The following MTCL1 variants were observed in gnomAD, a reference collection of about 807,000 sequenced individuals.
MTCL1 encodes the protein microtubule crosslinking factor 1.
MTCL1 carries 79 observed loss-of-function variants against 141.4 expected under a neutral mutation model. The observed-to-expected ratio is 0.56, with a 90% CI of 0.47 to 0.67. The LOEUF is 0.67. Ranked by LOEUF, MTCL1 falls within the 30% of genes least tolerant of loss-of-function variation. The pLI, the probability that MTCL1 is intolerant of heterozygous loss-of-function variation, is 0.00. For missense variants in MTCL1, 2,177 were observed against 2,113.9 expected, an observed-to-expected ratio of 1.03 and a Z score of -0.59; for synonymous variants, 914 against 875.8, an observed-to-expected ratio of 1.04 and a Z score of -0.77.
At chr18:8,796,830 G>A (rs1403075180) in intron 9 of MTCL1, among the ~76,000 whole-genome samples, 2 of 152,214 alleles carry the variant, frequency 1.3e-5, no homozygotes, top group African/African-American at 4.8e-5. Context: ...ATGAGTGAGG[G>A]ACTGGCAGAG....
At chr18:8,765,762 TC>T in intron 4 of MTCL1, among the ~76,000 whole-genome samples, 1 of 152,326 alleles carries the variant, frequency 6.6e-6, no homozygotes, top group Admixed American at 6.5e-5. Context: ...TGTACTTTCA[TC>T]CTTGGAACAG....
At chr18:8,746,671 G>A (rs1307159450) in intron 4 of MTCL1, among the ~76,000 whole-genome samples, 1 of 152,172 alleles carries the variant, frequency 6.6e-6, no homozygotes, top group African/African-American at 2.4e-5. Flanking sequence ...CCTGCTGACA[G>A]GGGCCCCTGC....
At chr18:8,744,312 A>G (rs2096323111) in intron 4 of MTCL1, among the ~76,000 whole-genome samples, 1 of 152,260 alleles carries the variant, frequency 6.6e-6, no homozygotes. Context: ...CTCCAGTGAC[A>G]TGAGTAATAA....
At chr18:8,762,041 A>G (rs540432671) in intron 4 of MTCL1, among the ~76,000 whole-genome samples, 26 of 152,346 alleles carry the variant, frequency 1.7e-4, no homozygotes, top group African/African-American at 5.3e-4. Context: ...ATAGAATTCC[A>G]TGGTACATAC....
At chr18:8,825,809 C>T in exon 15 of MTCL1, 2 of 1,614,186 alleles carry the variant, frequency 1.2e-6, no homozygotes, top group Non-Finnish European at 1.7e-6. Context: ...CAAGGGAGAG[C>T]CCCGTGCACA....
chr18:8,824,563 A>G (rs1210180505), intron 14 of MTCL1, 136 bp from the exon 14 acceptor site: 24 of 680,278 alleles, frequency 3.5e-5, no homozygotes, highest in Non-Finnish European at 4.7e-5. Context: ...GCACATGAGC[A>G]GCTGACAGTG....
chr18:8,784,546 C>G, exon 6 of MTCL1: 1 of 1,606,958 alleles, frequency 6.2e-7, no homozygotes, highest in Non-Finnish European at 8.5e-7. Flanking sequence ...CCGACAGCTT[C>G]CTCCATGATG....
At chr18:8,746,828 T>C (rs1011197096) in intron 4 of MTCL1, among the ~76,000 whole-genome samples, 2 of 152,140 alleles carry the variant, frequency 1.3e-5, no homozygotes, top group Non-Finnish European at 2.9e-5. Flanking sequence ...ACAACAGTCA[T>C]GAATATATAC....
chr18:8,724,742 A>G (rs117416850), intron 4 of MTCL1, among the ~76,000 whole-genome samples: 415 of 152,334 alleles, frequency 2.7e-3, no homozygotes, highest in Non-Finnish European at 4.6e-3. Flanking sequence ...AGAGCAGTTT[A>G]GAATGATGAC....
chr18:8,785,481 C>T (rs974199076), intron 6 of MTCL1, among the ~76,000 whole-genome samples: 1 of 152,134 alleles, frequency 6.6e-6, no homozygotes, highest in Non-Finnish European at 1.5e-5. Flanking sequence ...CCGAGGACTG[C>T]TGTCCTAGCC....
At chr18:8,714,849 T>C (rs1184902074), upstream of MTCL1, among the ~76,000 whole-genome samples, 1 of 151,936 alleles carries the variant, frequency 6.6e-6, no homozygotes, top group Non-Finnish European at 1.5e-5. Flanking sequence ...CAGGCTGGAG[T>C]GCAGTGGCGC....
chr18:8,825,939 C>A lies in MTCL1; in HGVS notation c.4429C>A (p.Pro1477Thr), dbSNP rs377363502. Residue 1477 changes from proline (P) to threonine (T), a missense_variant, in exon 15 of 17, where the codon CCA becomes ACA. Physicochemically the swap from Pro to Thr is conservative, Grantham distance 38. Transcript: ENST00000359865. Reference sequence around the variant, plus strand: ...TCGGTCTCGCTCAGCAGAGCCCCGACCAGAGCTGGGCCCAGGCCAGGAAAC... The same window carrying A: ...TCGGTCTCGCTCAGCAGAGCCCCGAACAGAGCTGGGCCCAGGCCAGGAAAC... The A allele has an allele frequency of 2.2e-5, 35 of 1,604,390 alleles. No homozygotes were observed. The Admixed American group carries it at 4.6e-4, about 21-fold the overall frequency.
exon 7 of MTCL1, chr18:8,785,989 G>A (rs765341139): frequency 1.2e-6 from 2 of 1,607,084 alleles, no homozygotes; most frequent in Admixed American, 3.3e-5. Flanking sequence ...GAGGGGACGA[G>A]CGGGAGAGCC....
In MTCL1 at chr18:8,830,361, C is replaced by T; in HGVS notation, c.*19-1246C>T. On this transcript the variant is annotated intron_variant, in intron 16 of 16. Coordinates refer to ENST00000359865, the Ensembl canonical transcript of MTCL1. The surrounding 1 kb of genome is among the most constrained non-coding windows in gnomAD (Gnocchi z 6.4). ...GCATGAAGCATAGTCTCCAGGGCCA[C>T]TGTTCCTTTTCTGCTGACCCCAGAG... is the stretch of plus-strand genomic sequence containing the variant. 3.0e-6 allele frequency: 3 copies of T among 985,578 alleles called. No individual in the cohort carries two copies. The highest frequency in any genetic ancestry group is 3.6e-6 in the Non-Finnish European group (3 of 830,006). The allele number at this position is 985,578 out of a possible 1,614,324, so 61.1% of individuals were successfully genotyped here. A position where few individuals can be genotyped will look rare whatever the true frequency, so the allele number is the denominator to read the frequency against.
intron 10 of MTCL1, among the ~76,000 whole-genome samples, chr18:8,800,111 C>G (rs2076065755): frequency 6.6e-6 from 1 of 152,238 alleles, no homozygotes. Context: ...GATGGACGAG[C>G]TCTACTGTAA....
intron 10 of MTCL1, among the ~76,000 whole-genome samples, chr18:8,805,816 C>T (rs533468700): frequency 2.9e-4 from 44 of 152,266 alleles, no homozygotes; most frequent in African/African-American, 1.1e-3. Context: ...ATGTGCTTTC[C>T]GTGCTGGTTG....
At chr18:8,730,125 G>A (rs2017153) in intron 4 of MTCL1, among the ~76,000 whole-genome samples, 21,791 of 152,084 alleles carry the variant, frequency 0.14, 3,601 homozygotes, top group African/African-American at 0.4. Context: ...GTTTGGGTCT[G>A]TTTCTGGGTT....
In MTCL1 at chr18:8,830,891, T is replaced by G; in HGVS notation, c.*19-716T>G. On this transcript the variant is annotated intron_variant, in intron 16 of 16. Transcript: ENST00000359865. This position sits in a 1 kb window ranked among gnomAD's most constrained non-coding sequence, Gnocchi z 6.4. The stretch of plus-strand genomic sequence containing the variant: ...TCTAGGTGATTTGCACATGGTTGAG[T>G]GTGTCTTGCATCACCTGCTCGCAGA... 2 of 985,494 alleles carry G rather than the reference T, an allele frequency of 2.0e-6. No homozygotes were observed. Among genetic ancestry groups the G allele is most frequent in the Non-Finnish European group, 2.4e-6 (2 of 829,958 alleles). 61.0% of individuals were successfully genotyped at this position (985,494 alleles called of 1,614,324 possible). A position where few individuals can be genotyped will look rare whatever the true frequency, so the allele number is the denominator to read the frequency against.
intron 8 of MTCL1, among the ~76,000 whole-genome samples, chr18:8,793,691 G>A (rs1245562462): frequency 1.3e-5 from 2 of 152,126 alleles, no homozygotes; most frequent in Non-Finnish European, 1.5e-5. Flanking sequence ...GCCCAATCCC[G>A]GCCACCCCAA....
Sources: allele counts gnomAD v4.1 joint callset (sites outside exome capture counted in the v4.1 genomes callset), GRCh38; gene constraint gnomAD v4.1.1; non-coding constraint Gnocchi (gnomAD v3.1); transcripts MANE v1.5; gene names NCBI Gene and HGNC (gene_info 2026-07-23, HGNC 2026-07-21).